FRMD6: variants seen among roughly 807,000 people sequenced by gnomAD.
FRMD6 encodes FERM domain-containing protein 6.
In FRMD6, 37 loss-of-function variants were observed where a neutral mutation model predicts 73.2. The ratio of observed to expected loss-of-function variants is 0.51; its 90% CI spans 0.39 to 0.66. FRMD6 has a LOEUF of 0.66. FRMD6 is among the 30% of genes least tolerant of loss of function. FRMD6 has a pLI of 0.00. For missense variants in FRMD6, 714 were observed against 780.5 expected (o/e 0.91, Z 1.02); for synonymous variants, 273 against 282.2 (o/e 0.97, Z 0.33).
intron 1 of FRMD6, among the ~76,000 whole-genome samples, chr14:51,514,598 A>G (rs939295852): frequency 6.6e-6 from 1 of 152,238 alleles, no homozygotes; most frequent in Non-Finnish European, 1.5e-5. Flanking sequence ...CTATAATCCC[A>G]GCACTTTAGG....
upstream of FRMD6, among the ~76,000 whole-genome samples, chr14:51,647,395 T>C (rs1348733085): frequency 2.6e-5 from 4 of 152,340 alleles, no homozygotes; most frequent in South Asian, 8.3e-4. Flanking sequence ...CTGACTTTTC[T>C]TAAGCATTAA....
At chr14:51,711,020 A>G (rs1436382887) in intron 7 of FRMD6, among the ~76,000 whole-genome samples, 1 of 152,168 alleles carries the variant, frequency 6.6e-6, no homozygotes, top group Admixed American at 6.6e-5. Flanking sequence ...GAGAGCCTTA[A>G]ATATTTGGTC....
the FRMD6 span, among the ~76,000 whole-genome samples, chr14:51,446,388 G>C: frequency 2.0e-5 from 3 of 150,806 alleles, no homozygotes; most frequent in Non-Finnish European, 4.4e-5. Flanking sequence ...GTATATGAGG[G>C]AGCAAAGAAG....
intron 2 of FRMD6, among the ~76,000 whole-genome samples, chr14:51,591,415 T>A (rs1311850995): frequency 1.3e-5 from 2 of 152,208 alleles, no homozygotes. Context: ...AAAAGATGCT[T>A]GCTCCACATT....
the FRMD6 span, among the ~76,000 whole-genome samples, chr14:51,479,496 G>T: frequency 6.6e-6 from 1 of 152,134 alleles, no homozygotes; most frequent in Non-Finnish European, 1.5e-5. Flanking sequence ...AGTTAGAGAG[G>T]TCACACAAAA....
intron 2 of FRMD6, among the ~76,000 whole-genome samples, chr14:51,644,395 A>ACACT (rs145041151): frequency 1.4e-5 from 2 of 146,214 alleles, no homozygotes; most frequent in African/African-American, 5.1e-5. Context: ...ACACTCACTC[A>ACACT]CTCTCTCTCT....
chr14:51,478,303 A>AT, the FRMD6 span, among the ~76,000 whole-genome samples: 119 of 152,120 alleles, frequency 7.8e-4, 1 homozygote, highest in Middle Eastern at 0.017. Context: ...TATTATATGC[A>AT]TTTTTTTTCC....
chr14:51,595,697 C>G (rs138621608), intron 2 of FRMD6, among the ~76,000 whole-genome samples: 1 of 152,268 alleles, frequency 6.6e-6, no homozygotes, highest in African/African-American at 2.4e-5. Context: ...TATTGTAGAT[C>G]AATTACATGC....
At chr14:51,608,480 G>A (rs73290910) in intron 2 of FRMD6, among the ~76,000 whole-genome samples, 6,872 of 152,094 alleles carry the variant, frequency 0.045, 401 homozygotes, top group African/African-American at 0.14. Flanking sequence ...CTGGCATGAA[G>A]TCATTCCTAA....
chr14:51,521,561 T>C (rs1253302047), intron 1 of FRMD6, among the ~76,000 whole-genome samples: 2 of 151,420 alleles, frequency 1.3e-5, no homozygotes, highest in African/African-American at 4.9e-5. Context: ...AATGTATAGC[T>C]CTAAAAAAAA....
At chr14:51,448,711 C>T in the FRMD6 span, among the ~76,000 whole-genome samples, 1 of 152,162 alleles carries the variant, frequency 6.6e-6, no homozygotes, top group Admixed American at 6.5e-5. Context: ...GCATGTGACA[C>T]GTGTGTTCAA....
At chr14:51,523,500 A>G (rs998333772) in intron 1 of FRMD6, among the ~76,000 whole-genome samples, 2 of 152,192 alleles carry the variant, frequency 1.3e-5, no homozygotes, top group African/African-American at 4.8e-5. Flanking sequence ...TCAGCTATGA[A>G]CTCAAAGACA....
intron 1 of FRMD6, among the ~76,000 whole-genome samples, chr14:51,532,315 G>C (rs1196173137): frequency 6.7e-6 from 1 of 149,286 alleles, no homozygotes; most frequent in Non-Finnish European, 1.5e-5. Context: ...CTTGCAGTGA[G>C]CTGAGATAGC....
intron 1 of FRMD6, among the ~76,000 whole-genome samples, chr14:51,682,313 A>C (rs1158347125): frequency 3.3e-5 from 5 of 150,788 alleles, no homozygotes; most frequent in Non-Finnish European, 7.4e-5. Context: ...AATAGTGACT[A>C]TTCTCCTTTT....
At chr14:51,572,521 G>A (rs530192104) in intron 2 of FRMD6, among the ~76,000 whole-genome samples, 6 of 152,336 alleles carry the variant, frequency 3.9e-5, no homozygotes, top group Non-Finnish European at 7.3e-5. Flanking sequence ...TTTGGTGAGA[G>A]AAGGGAGACA....
chr14:51,691,178 C>T (rs1895537013), intron 2 of FRMD6, among the ~76,000 whole-genome samples: 1 of 152,152 alleles, frequency 6.6e-6, no homozygotes. Flanking sequence ...CATGTGAATC[C>T]ATGTGACAAT....
the FRMD6 span, among the ~76,000 whole-genome samples, chr14:51,418,566 C>T: frequency 1.4e-4 from 21 of 152,222 alleles, no homozygotes; most frequent in Admixed American, 1.0e-3. Flanking sequence ...CAGAGGGGCA[C>T]CTGCCTGTAT....
chr14:51,514,870 T>G (rs17124054), intron 1 of FRMD6, among the ~76,000 whole-genome samples: 1 of 152,104 alleles, frequency 6.6e-6, no homozygotes, highest in Non-Finnish European at 1.5e-5. Flanking sequence ...ACAAAAAAAC[T>G]ATGACGACAA....
chr14:51,432,902 G>A, the FRMD6 span, among the ~76,000 whole-genome samples: 1 of 152,178 alleles, frequency 6.6e-6, no homozygotes, highest in Non-Finnish European at 1.5e-5. Flanking sequence ...TTCTGTTGCT[G>A]GCTTTGCTTT....
Sources: allele counts gnomAD v4.1 joint callset (sites outside exome capture counted in the v4.1 genomes callset), GRCh38; gene constraint gnomAD v4.1.1; transcripts MANE v1.5; gene names NCBI Gene and HGNC (gene_info 2026-07-23, HGNC 2026-07-21).